Variants in ATAD2B observed in about 807,000 individuals in gnomAD.
The protein encoded by ATAD2B is ATPase family AAA domain-containing protein 2B.
In ATAD2B, 40 loss-of-function variants were observed where a neutral mutation model predicts 167.6. The ratio of observed to expected loss-of-function variants is 0.24; its 90% confidence interval spans 0.19 to 0.31. ATAD2B has a LOEUF of 0.31. Among genes scored for constraint, ATAD2B ranks in the 10% least tolerant of loss-of-function variants. The probability of loss-of-function intolerance (pLI) is 1.00; values close to 1 mark genes in which losing one functional copy is unlikely to be tolerated. For missense variants in ATAD2B, 1,242 were observed against 1,757.2 expected (o/e 0.71, Z 5.24); for synonymous variants, 579 against 596.5 (o/e 0.97, Z 0.43).
intron 19 of ATAD2B, among the ~76,000 whole-genome samples, chr2:23,792,948 G>A (rs1377546645): frequency 2.0e-5 from 2 of 101,646 alleles, no homozygotes; most frequent in African/African-American, 4.4e-5. Context: ...GGGCAACAGC[G>A]AGAGACTCTG....
the ATAD2B span, among the ~76,000 whole-genome samples, chr2:23,721,819 C>T: frequency 3.9e-5 from 6 of 152,266 alleles, no homozygotes; most frequent in Non-Finnish European, 5.9e-5. Flanking sequence ...CCAGGCCAGC[C>T]AAGTGACCAA....
the ATAD2B span, chr2:23,696,213 C>A: frequency 6.7e-7 from 1 of 1,492,774 alleles, no homozygotes. The surrounding 1 kb of genome is among the most constrained non-coding windows in gnomAD (Gnocchi z 5.5). Flanking sequence ...CTGAGGAAGG[C>A]CATGGCCCAG....
At chr2:23,822,841 C>T (rs1160143120) in intron 16 of ATAD2B, among the ~76,000 whole-genome samples, 3 of 130,936 alleles carry the variant, frequency 2.3e-5, no homozygotes, top group Admixed American at 9.4e-5. Flanking sequence ...TCGCTGTACC[C>T]GGGAGGCGGA....
chr2:23,808,068 AATATATAAGTAATTATATATATAATTAT>A (rs1413440335), intron 18 of ATAD2B, among the ~76,000 whole-genome samples: 6 of 60,952 alleles, frequency 9.8e-5, no homozygotes, highest in East Asian at 3.8e-4. Context: ...TATAAATTAT[AATATATAAGTAATTATATATATAATTAT>A]ATATATAAGT....
chr2:23,912,699 C>G (rs1201004211), intron 1 of ATAD2B, among the ~76,000 whole-genome samples: 1 of 151,864 alleles, frequency 6.6e-6, no homozygotes, highest in Non-Finnish European at 1.5e-5. Flanking sequence ...TAGGTAGAAT[C>G]TTAATATGGG....
intron 22 of ATAD2B, among the ~76,000 whole-genome samples, chr2:23,769,716 T>A (rs1386438353): frequency 2.2e-5 from 3 of 136,996 alleles, no homozygotes; most frequent in Non-Finnish European, 3.3e-5. Flanking sequence ...CTGTGGGTTT[T>A]TTTTTTTTTT....
At chr2:23,691,574 C>A in the ATAD2B span, 1 of 990,368 alleles carries the variant, frequency 1.0e-6, no homozygotes, top group Non-Finnish European at 1.5e-6. Flanking sequence ...GCCCTAAAAC[C>A]AAGGGCATGA....
downstream of ATAD2B, among the ~76,000 whole-genome samples, chr2:23,744,845 T>C (rs1674734562): frequency 6.6e-6 from 1 of 152,170 alleles, no homozygotes; most frequent in Admixed American, 6.5e-5. Flanking sequence ...GGGTAGAAAG[T>C]AGACTTAAAT....
chr2:23,875,783 C>T (rs1209863141), intron 8 of ATAD2B, 46 bp downstream of exon 8: 4 of 1,242,552 alleles, frequency 3.2e-6, no homozygotes, highest in Non-Finnish European at 3.5e-6. Flanking sequence ...CACAATTAGT[C>T]TCTCATTGAC....
At chr2:23,706,457 TC>T in the ATAD2B span, 56 of 1,450,334 alleles carry the variant, frequency 3.9e-5, no homozygotes, top group Non-Finnish European at 5.1e-5. Context: ...AATGCCTAAC[TC>T]TGTCCCCGCT....
At chr2:23,755,466 G>T (rs1675839984) in intron 25 of ATAD2B, among the ~76,000 whole-genome samples, 1 of 152,190 alleles carries the variant, frequency 6.6e-6, no homozygotes, top group Non-Finnish European at 1.5e-5. Flanking sequence ...ACGAACCCAG[G>T]CATTCTGAGG....
intron 1 of ATAD2B, among the ~76,000 whole-genome samples, chr2:23,905,766 T>A (rs1379423428): frequency 6.6e-6 from 1 of 152,234 alleles, no homozygotes; most frequent in Non-Finnish European, 1.5e-5. Context: ...GCTTATTAAT[T>A]ACTTTCAATA....
the ATAD2B span, chr2:23,696,100 G>A: frequency 1.3e-6 from 2 of 1,551,832 alleles, no homozygotes; most frequent in Non-Finnish European, 8.7e-7. This position sits in a 1 kb window ranked among gnomAD's most constrained non-coding sequence, Gnocchi z 5.5. Flanking sequence ...GTTCTTCAGT[G>A]TAGTGAGTGC....
chr2:23,691,345 T>C, the ATAD2B span: 2 of 350,268 alleles, frequency 5.7e-6, no homozygotes, highest in Non-Finnish European at 1.1e-5. Context: ...CACCAGGGCC[T>C]GCAGTGGGCT....
intron 1 of ATAD2B, among the ~76,000 whole-genome samples, chr2:23,901,370 T>C (rs968561143): frequency 1.3e-5 from 2 of 149,432 alleles, no homozygotes; most frequent in Admixed American, 1.3e-4. Flanking sequence ...TTTTTTTTTT[T>C]TCTTCATGAA....
At chr2:23,737,694 C>T in the ATAD2B span, among the ~76,000 whole-genome samples, 51 of 152,260 alleles carry the variant, frequency 3.3e-4, no homozygotes, top group African/African-American at 1.1e-3. Context: ...CAAAGCTGGA[C>T]GCAGAATGAC....
chr2:23,754,088 T>A (rs559387928), intron 27 of ATAD2B, 91 bp downstream of exon 27: 2 of 1,054,844 alleles, frequency 1.9e-6, no homozygotes, highest in Admixed American at 7.8e-5. Flanking sequence ...GTAAAAGACA[T>A]AGATGTAGGC....
In ATAD2B at chr2:23,895,835, A is replaced by G. The variant is rs10210982; in HGVS notation, c.352T>C (p.Ser118Pro). Residue 118 changes from serine to proline, a missense_variant, in exon 2 of 28, where the codon TCA becomes CCA. Around this residue, in one of 9 missense-constraint regions of ATAD2B, gnomAD observed 199 missense variants for 194.9 expected, o/e 1.02. Transcript: ENST00000238789. ...STGQREEWNL[S>P]TGQARLTSQP... ...CTTTCTCACCTGGCCTGTCCAGTTG[A>G]TAAGTTCCATTCCTCTCGCTGACCA... 2.3e-3 allele frequency: 3,675 copies of G among 1,610,594 alleles called. 68 individuals carry two copies. In the African/African-American group the frequency reaches 0.043, roughly 19 times the overall value.
chr2:23,908,341 C>T (rs142874444), intron 1 of ATAD2B, among the ~76,000 whole-genome samples: 68,425 of 151,926 alleles, frequency 0.45, 16,297 homozygotes, highest in East Asian at 0.78. Flanking sequence ...TGAACAGACA[C>T]TTCTCAAAAG....
Sources: gnomAD v4.1 joint callset for allele counts (sites outside exome capture counted in the v4.1 genomes callset) on GRCh38, gnomAD v4.1.1 for gene constraint, gnomAD v4.1.1 regional missense constraint, Gnocchi (gnomAD v3.1) non-coding constraint, MANE v1.5 for transcripts, NCBI Gene and HGNC (gene_info 2026-07-23, HGNC 2026-07-21) for gene names.